PPP1R21: variants seen among roughly 807,000 people sequenced by gnomAD.
PPP1R21 encodes the protein protein phosphatase 1 regulatory subunit 21.
Under a neutral mutation model 112.8 loss-of-function variants are expected in PPP1R21, and 85 were observed. The ratio of observed to expected loss-of-function variants is 0.75; its 90% CI spans 0.63 to 0.90. The LOEUF (loss-of-function observed/expected upper bound fraction) is 0.90, where lower values mean the gene tolerates loss of function less well. Among genes scored for constraint, PPP1R21 ranks in the 40% least tolerant of loss-of-function variants. The pLI, the probability that PPP1R21 is intolerant of heterozygous loss-of-function variation, is 0.00. For missense variants in PPP1R21, 1,199 were observed against 901.5 expected, an observed-to-expected ratio of 1.33 and a Z score of -4.23; for synonymous variants, 381 against 322.3, an observed-to-expected ratio of 1.18 and a Z score of -1.95.
intron 2 of PPP1R21, among the ~76,000 whole-genome samples, chr2:48,454,168 T>C (rs1259835753): frequency 6.6e-6 from 1 of 152,102 alleles, no homozygotes; most frequent in East Asian, 1.9e-4. Flanking sequence ...GGCTGAGGCA[T>C]GAGACATGCT....
At chr2:48,504,510 G>A (rs544495901) in intron 17 of PPP1R21, among the ~76,000 whole-genome samples, 3 of 152,190 alleles carry the variant, frequency 2.0e-5, no homozygotes, top group East Asian at 1.9e-4. Flanking sequence ...GCGTGGTGGC[G>A]TGCACCTGTA....
chr2:48,479,845 A>G (rs572114828), intron 12 of PPP1R21, 79 bp from the exon 13 acceptor site: 37 of 887,522 alleles, frequency 4.2e-5, no homozygotes, highest in Non-Finnish European at 6.1e-5. Flanking sequence ...TTCATTCTCT[A>G]TCTTCCCAAA....
chr2:48,480,461 G>A (rs2103892796), intron 13 of PPP1R21, among the ~76,000 whole-genome samples: 1 of 152,278 alleles, frequency 6.6e-6, no homozygotes, highest in African/African-American at 2.4e-5. Context: ...GCCTTTTAAA[G>A]TCCTGTCTTG....
At chr2:48,502,869 A>G (rs886215352) in intron 17 of PPP1R21, among the ~76,000 whole-genome samples, 5 of 151,270 alleles carry the variant, frequency 3.3e-5, no homozygotes, top group Non-Finnish European at 7.4e-5. Flanking sequence ...TTTAGTAGAG[A>G]CGGGGTTTCA....
intron 7 of PPP1R21, among the ~76,000 whole-genome samples, chr2:48,462,906 C>G (rs1036371134): frequency 6.6e-6 from 1 of 152,000 alleles, no homozygotes; most frequent in South Asian, 2.1e-4. Flanking sequence ...TGTGGAAGAT[C>G]TTGTGGAAGG....
chr2:48,514,332 C>T (rs1421628455), intron 21 of PPP1R21, among the ~76,000 whole-genome samples: 2 of 152,000 alleles, frequency 1.3e-5, no homozygotes, highest in Non-Finnish European at 2.9e-5. Flanking sequence ...GTGATCCACC[C>T]GCCTCGGCCT....
At chr2:48,448,119 G>A (rs1479943923) in intron 1 of PPP1R21, among the ~76,000 whole-genome samples, 30 of 152,150 alleles carry the variant, frequency 2.0e-4, no homozygotes, top group Admixed American at 1.8e-3. Context: ...TGGCAATAGA[G>A]TATGCAAGCT....
At chr2:48,471,717 T>G (rs765089445) in intron 11 of PPP1R21, among the ~76,000 whole-genome samples, 4 of 152,212 alleles carry the variant, frequency 2.6e-5, no homozygotes, top group African/African-American at 9.6e-5. Context: ...TTATTTTTGT[T>G]ATTAGTGACT....
chr2:48,479,116 C>T (rs113422048), intron 12 of PPP1R21, among the ~76,000 whole-genome samples: 2,264 of 152,222 alleles, frequency 0.015, 27 homozygotes, highest in Non-Finnish European at 0.025. Context: ...GGCAGCACCA[C>T]GCCCAAGGTA....
Position 48,459,824 on chromosome 2 carries a change from C to G in PPP1R21, c.446C>G (p.Thr149Arg). Residue 149 changes from threonine (T) to arginine (R), a missense_variant, in exon 5 of 22, where the codon ACA becomes AGA. Thr to Arg is a moderately conservative substitution (Grantham distance 71). Coordinates refer to ENST00000294952, the MANE Select transcript of PPP1R21 (RefSeq NM_001135629.3). The stretch of plus-strand genomic sequence containing the variant: ...AGGAGTCGACTGGCCACTCTGGAGA[C>G]AGAAGCAGCCCAGCACCAAGCTGTG... Reference protein sequence around the residue: ...ELRSRLATLETEAAQHQAVVD... With the variant: ...ELRSRLATLEREAAQHQAVVD... 6.2e-7 allele frequency: 1 copy of G among 1,614,152 alleles called. No individual in the cohort carries two copies. Among genetic ancestry groups the G allele is most frequent in the South Asian group, 1.1e-5 (1 of 91,080 alleles).
At chr2:48,456,325 A>G (rs1667725958) in intron 3 of PPP1R21, among the ~76,000 whole-genome samples, 1 of 151,552 alleles carries the variant, frequency 6.6e-6, no homozygotes, top group East Asian at 1.9e-4. Context: ...CTAACACTCC[A>G]CAAATGTATG....
intron 2 of PPP1R21, among the ~76,000 whole-genome samples, chr2:48,453,731 C>A (rs1481382539): frequency 6.6e-6 from 1 of 152,122 alleles, no homozygotes; most frequent in Non-Finnish European, 1.5e-5. Flanking sequence ...TTTCTATTGT[C>A]ATTTAGCTTT....
At chr2:48,495,195 T>C (rs1669772054) in intron 15 of PPP1R21, among the ~76,000 whole-genome samples, 1 of 152,174 alleles carries the variant, frequency 6.6e-6, no homozygotes, top group Non-Finnish European at 1.5e-5. Flanking sequence ...TTAAGTTCTT[T>C]ATTGTTTTTC....
intron 11 of PPP1R21, among the ~76,000 whole-genome samples, chr2:48,472,239 CAAAAAAAAAA>C (rs57711610): frequency 2.3e-5 from 1 of 43,014 alleles, no homozygotes; most frequent in Non-Finnish European, 3.8e-5. Flanking sequence ...GACTCCATCT[CAAAAAAAAAA>C]AAAAAAAAAA....
intron 20 of PPP1R21, among the ~76,000 whole-genome samples, chr2:48,510,406 G>A (rs761260592): frequency 6.6e-6 from 1 of 152,164 alleles, no homozygotes; most frequent in African/African-American, 2.4e-5. Context: ...CCATCATGGT[G>A]AGCTGTAGGC....
chr2:48,469,502 T>TAGAGAG (rs200928720), intron 9 of PPP1R21, among the ~76,000 whole-genome samples: 2 of 43,446 alleles, frequency 4.6e-5, no homozygotes, highest in East Asian at 6.3e-4. Flanking sequence ...TATATATATA[T>TAGAGAG]ATAGAGCATA....
intron 1 of PPP1R21, among the ~76,000 whole-genome samples, chr2:48,449,879 T>C (rs1277782367): frequency 2.0e-5 from 3 of 152,128 alleles, no homozygotes; most frequent in African/African-American, 7.2e-5. Context: ...TCTGTAAACC[T>C]TTTGCTTCAG....
At position 48,459,855 on chromosome 2, in the gene PPP1R21, C is replaced by T. The variant is rs768899408; in HGVS notation, c.477C>T (p.Asp159=). 6.2e-6 allele frequency: 10 copies of T among 1,614,170 alleles called. No individual in the cohort carries two copies. Among genetic ancestry groups the T allele is most frequent in the South Asian group, 3.3e-5 (3 of 91,084 alleles). The change falls in exon 5 of 22, where the codon GAC becomes GAT. Residue 159 remains aspartate (D), a synonymous_variant. Transcript: ENST00000294952. ...CAGCCCAGCACCAAGCTGTGGTTGA[C>T]GGTCTCACCCGGAAGTACATGGAAA... ...TEAAQHQAVV[D]GLTRKYMETI... is the part of the protein sequence containing the mutation.
At chr2:48,509,388 T>C (rs1670530566) in intron 19 of PPP1R21, among the ~76,000 whole-genome samples, 1 of 151,628 alleles carries the variant, frequency 6.6e-6, no homozygotes, top group African/African-American at 2.4e-5. Flanking sequence ...TAAATATAAA[T>C]GAATTCTAGA....
Sources: allele counts gnomAD v4.1 joint callset (sites outside exome capture counted in the v4.1 genomes callset), GRCh38; gene constraint gnomAD v4.1.1; transcripts MANE v1.5; gene names NCBI Gene and HGNC (gene_info 2026-07-23, HGNC 2026-07-21).